Variants in DAB1 observed in about 807,000 individuals in gnomAD.
DAB1 encodes the protein disabled homolog 1.
In DAB1, 15 loss-of-function variants were observed where a neutral mutation model predicts 64.6. The ratio of observed to expected loss-of-function variants is 0.23; its 90% CI spans 0.16 to 0.36. DAB1 has a LOEUF of 0.36. Among genes scored for constraint, DAB1 ranks in the 10% least tolerant of loss-of-function variants. DAB1 has a pLI of 1.00. For synonymous variants in DAB1, 235 were observed against 251.9 expected (o/e 0.93, Z 0.64); for missense variants, 596 against 706.7 (o/e 0.84, Z 1.78).
At chr1:58,315,148 A>G (rs1662530055) in intron 4 of DAB1, among the ~76,000 whole-genome samples, 1 of 152,162 alleles carries the variant, frequency 6.6e-6, no homozygotes, top group African/African-American at 2.4e-5. Flanking sequence ...ACATCGCTCT[A>G]TTTCCCAGCC....
chr1:58,251,126 C>A (rs766548139), intron 4 of DAB1, among the ~76,000 whole-genome samples: 22 of 152,196 alleles, frequency 1.4e-4, no homozygotes, highest in Non-Finnish European at 1.6e-4. Context: ...TCACATGAGA[C>A]AAGCACAGAG....
intron 7 of DAB1, among the ~76,000 whole-genome samples, chr1:57,641,509 G>A (rs947749348): frequency 2.7e-5 from 4 of 146,418 alleles, no homozygotes; most frequent in African/African-American, 7.5e-5. Context: ...TCAGCCTCCC[G>A]AGTAGCTGGG....
At chr1:57,366,490 G>A (rs1280452052) in intron 1 of DAB1, among the ~76,000 whole-genome samples, 1 of 152,212 alleles carries the variant, frequency 6.6e-6, no homozygotes, top group Non-Finnish European at 1.5e-5. Context: ...GTTGACATCT[G>A]TCACTGAATG....
Position 58,197,703 on chromosome 1 carries a change from C to CTTTT in DAB1, n.310-47119_310-47116dup, listed in dbSNP as rs3053698. The stretch of plus-strand genomic sequence containing the variant: ...GCCACCATGCCCAGCGAGAGTTACA[C>CTTTT]TTTTTTTTTTTTTTTTGAGGACAGA... On this transcript the variant is annotated intron_variant and non_coding_transcript_variant, in intron 4 of 20. Coordinates refer to the DAB1 transcript ENST00000485760. 9.3e-5 allele frequency among the ~76,000 whole-genome samples: 13 copies of CTTTT among 139,964 alleles called. 1 individual carries two copies. The highest frequency in any genetic ancestry group is 9.2e-5 in the Non-Finnish European group (6 of 65,218). The allele number at this position is 139,964 out of a possible 152,430, so 91.8% of individuals were successfully genotyped here.
intron 5 of DAB1, among the ~76,000 whole-genome samples, chr1:58,136,722 T>A (rs1176174371): frequency 6.6e-6 from 1 of 152,176 alleles, no homozygotes; most frequent in Non-Finnish European, 1.5e-5. Context: ...AGGGAGGAGA[T>A]GTTCATTTAT....
At chr1:58,196,603 A>G (rs988106948) in intron 4 of DAB1, among the ~76,000 whole-genome samples, 8 of 152,196 alleles carry the variant, frequency 5.3e-5, no homozygotes, top group Admixed American at 4.6e-4. Flanking sequence ...ACAGTCCCAC[A>G]TGGCTGGATA....
At chr1:57,120,297 A>G (rs1285881558) in intron 4 of DAB1, among the ~76,000 whole-genome samples, 8 of 152,174 alleles carry the variant, frequency 5.3e-5, no homozygotes, top group Admixed American at 5.2e-4. Context: ...TCATTTATTC[A>G]ACGTAACTGT....
intron 3 of DAB1, among the ~76,000 whole-genome samples, chr1:58,483,344 C>A (rs979856070): frequency 1.3e-5 from 2 of 152,100 alleles, no homozygotes; most frequent in African/African-American, 4.8e-5. Flanking sequence ...GCTAACATTT[C>A]ATTGAGTCCC....
chr1:58,049,305 A>C, intron 5 of DAB1: 3 of 679,442 alleles, frequency 4.4e-6, no homozygotes, highest in Non-Finnish European at 8.0e-6. Context: ...GGCAGGGAGA[A>C]GAGAGACTTT....
intron 7 of DAB1, among the ~76,000 whole-genome samples, chr1:57,437,967 C>T (rs2101126413): frequency 6.6e-6 from 1 of 152,316 alleles, no homozygotes; most frequent in African/African-American, 2.4e-5. Flanking sequence ...TGTGACCTTC[C>T]TTGTTCTGGC....
chr1:58,506,388 T>A (rs1411322627), intron 2 of DAB1, among the ~76,000 whole-genome samples: 3 of 152,246 alleles, frequency 2.0e-5, no homozygotes, highest in Non-Finnish European at 4.4e-5. Flanking sequence ...CTGTACCCAT[T>A]AACTCGTCAT....
At chr1:58,332,371 G>A (rs17117329) in intron 4 of DAB1, among the ~76,000 whole-genome samples, 7,764 of 152,050 alleles carry the variant, frequency 0.051, 684 homozygotes, top group African/African-American at 0.18. Context: ...TTCAGGCAGC[G>A]TTTCGCCAAA....
chr1:58,414,186 T>C (rs1343393660), intron 3 of DAB1, among the ~76,000 whole-genome samples: 2 of 152,356 alleles, frequency 1.3e-5, no homozygotes, highest in African/African-American at 2.4e-5. Flanking sequence ...ATGACTGTTA[T>C]TGCATTCCCC....
At chr1:57,874,220 G>C (rs1644005024) in intron 1 of DAB1, 1 of 152,192 alleles carries the variant, frequency 6.6e-6, no homozygotes, top group South Asian at 2.1e-4. Flanking sequence ...ATAAAGAAGG[G>C]ATGACAAGTC....
chr1:57,708,020 G>A (rs1453367009), intron 6 of DAB1, among the ~76,000 whole-genome samples: 1 of 152,152 alleles, frequency 6.6e-6, no homozygotes, highest in Non-Finnish European at 1.5e-5. Flanking sequence ...GGGGTCATAT[G>A]GGCACTCCCA....
At chr1:58,069,038 G>A (rs1031911737) in intron 5 of DAB1, among the ~76,000 whole-genome samples, 1 of 152,142 alleles carries the variant, frequency 6.6e-6, no homozygotes, top group African/African-American at 2.4e-5. Flanking sequence ...ACATGTTGAA[G>A]GAGGCTATTC....
chr1:57,620,523 G>A (rs1264653123), intron 7 of DAB1, among the ~76,000 whole-genome samples: 3 of 152,212 alleles, frequency 2.0e-5, no homozygotes, highest in Admixed American at 6.5e-5. Context: ...TGTTTCCCAT[G>A]AGGGGATAAA....
intron 1 of DAB1, among the ~76,000 whole-genome samples, chr1:57,845,805 CT>C (rs1653254050): frequency 6.6e-6 from 1 of 152,184 alleles, no homozygotes; most frequent in Admixed American, 6.5e-5. Context: ...GAGCTAAAAT[CT>C]GCCTTCCTAT....
At chr1:57,208,126 G>T (rs1016275012) in intron 2 of DAB1, among the ~76,000 whole-genome samples, 1 of 152,262 alleles carries the variant, frequency 6.6e-6, no homozygotes, top group Non-Finnish European at 1.5e-5. Flanking sequence ...GACCATAAAA[G>T]GTGCATCATT....
Sources: gnomAD v4.1 joint callset for allele counts (sites outside exome capture counted in the v4.1 genomes callset) on GRCh38, gnomAD v4.1.1 for gene constraint, MANE v1.5 for transcripts, NCBI Gene and HGNC (gene_info 2026-07-23, HGNC 2026-07-21) for gene names.